TMEM132D: variants seen among roughly 807,000 people sequenced by gnomAD.
TMEM132D encodes the protein transmembrane protein 132D, also known as mature OL transmembrane protein.
Under a neutral mutation model 62.3 loss-of-function variants are expected in TMEM132D, and 21 were observed. That is an observed-to-expected ratio of 0.34 (90% confidence interval 0.24 to 0.49). The LOEUF is 0.49. TMEM132D is among the 20% of genes least tolerant of loss of function. The pLI is 0.99. For missense variants in TMEM132D, 1,346 were observed against 1,402.8 expected, an observed-to-expected ratio of 0.96 and a Z score of 0.65; for synonymous variants, 621 against 575.6, an observed-to-expected ratio of 1.08 and a Z score of -1.13.
rs143951769 is a variant in TMEM132D at position 129,100,405 on chromosome 12, G to A, written c.1444-15703C>T. 1.3e-4 allele frequency among the ~76,000 whole-genome samples: 20 copies of A among 152,330 alleles called. No individual in the cohort carries two copies. The South Asian group carries it at 1.9e-3, about 14-fold the overall frequency. ...GCAAGTTGCAGAAGACTTGGAGAGC[G>A]TCTGAGAGGCTGACGGGTTGGCTCC... On this transcript the variant is annotated intron_variant, in intron 5 of 8. Transcript: ENST00000422113.
intron 1 of TMEM132D, among the ~76,000 whole-genome samples, chr12:129,868,875 G>A (rs761562069): frequency 3.9e-4 from 59 of 152,066 alleles, no homozygotes; most frequent in Non-Finnish European, 5.1e-4. Context: ...CACCAGGCAG[G>A]GAACAGGGCA....
chr12:129,435,594 G>A (rs973847245), intron 3 of TMEM132D, among the ~76,000 whole-genome samples: 4 of 152,030 alleles, frequency 2.6e-5, no homozygotes, highest in Non-Finnish European at 4.4e-5. Context: ...TTTTCTGCTT[G>A]CCACCTCCAG....
intron 4 of TMEM132D, among the ~76,000 whole-genome samples, chr12:129,275,533 G>A (rs7954133): frequency 0.33 from 50,728 of 151,948 alleles, 8,517 homozygotes; most frequent in South Asian, 0.36. Flanking sequence ...ACACGCTCAG[G>A]AAACTTCATA....
intron 1 of TMEM132D, among the ~76,000 whole-genome samples, chr12:129,755,547 C>A (rs1870141657): frequency 6.6e-6 from 1 of 152,114 alleles, no homozygotes; most frequent in Non-Finnish European, 1.5e-5. Context: ...GTTTCAGAGG[C>A]AAACAAAGCA....
At chr12:129,087,108 TTCTA>T (rs917168466) in intron 5 of TMEM132D, among the ~76,000 whole-genome samples, 6 of 152,090 alleles carry the variant, frequency 3.9e-5, no homozygotes, top group Admixed American at 3.9e-4. Flanking sequence ...AACTGAAACT[TTCTA>T]TCTTTGACCA....
At chr12:129,384,762 G>A (rs4759526) in intron 3 of TMEM132D, among the ~76,000 whole-genome samples, 30,657 of 152,112 alleles carry the variant, frequency 0.2, 3,742 homozygotes, top group South Asian at 0.33. Context: ...GCGTTCACAC[G>A]TACGCGACAG....
At chr12:129,611,872 C>T (rs1225430493) in intron 2 of TMEM132D, among the ~76,000 whole-genome samples, 1 of 152,184 alleles carries the variant, frequency 6.6e-6, no homozygotes, top group Admixed American at 6.5e-5. Context: ...TCTTCCAGCC[C>T]CTTCCCACAC....
At chr12:129,530,454 T>C (rs1464093928) in intron 3 of TMEM132D, among the ~76,000 whole-genome samples, 7 of 152,168 alleles carry the variant, frequency 4.6e-5, no homozygotes, top group Non-Finnish European at 8.8e-5. Flanking sequence ...ACTACTGAGT[T>C]TCCGAGCCTC....
In TMEM132D at chr12:129,337,787, C is replaced by T. The variant is rs2135658348; in HGVS notation, c.1146G>A (p.Gln382=). ...CAGGCTCTTCCACCTCCACATCGAT[C>T]TGCATGACCTCGTAGGAGGCGCCAT... ...SADGASYEVM[Q]IDVEVEEPGD... is the part of the protein sequence containing the mutation. Residue 382 remains glutamine (Q), a synonymous_variant, in exon 4 of 9, where the codon CAG becomes CAA. Transcript: ENST00000422113. 1 of 1,612,930 alleles carries T rather than the reference C, an allele frequency of 6.2e-7. No individual in the cohort carries two copies. Among genetic ancestry groups the T allele is most frequent in the Non-Finnish European group, 8.5e-7 (1 of 1,179,262 alleles).
chr12:129,214,278 T>C (rs1252933649), intron 4 of TMEM132D, among the ~76,000 whole-genome samples: 2 of 152,166 alleles, frequency 1.3e-5, no homozygotes, highest in Non-Finnish European at 1.5e-5. Flanking sequence ...TTTATTTTGA[T>C]TTTTGTTTTT....
At chr12:129,565,734 C>T (rs1877350368) in intron 2 of TMEM132D, among the ~76,000 whole-genome samples, 1 of 152,314 alleles carries the variant, frequency 6.6e-6, no homozygotes, top group African/African-American at 2.4e-5. Context: ...CTGGGTCAGC[C>T]CGCTCCTTTC....
intron 2 of TMEM132D, among the ~76,000 whole-genome samples, chr12:129,534,482 G>A (rs969970103): frequency 6.6e-6 from 1 of 151,760 alleles, no homozygotes; most frequent in Non-Finnish European, 1.5e-5. Context: ...ACATAATGTA[G>A]AATATGTATA....
intron 2 of TMEM132D, among the ~76,000 whole-genome samples, chr12:129,638,069 G>A (rs1879534043): frequency 6.6e-6 from 1 of 152,222 alleles, no homozygotes; most frequent in Admixed American, 6.5e-5. Context: ...CAATTTCTGT[G>A]TAAGTGAAAT....
chr12:129,812,791 G>GC lies in TMEM132D; in HGVS notation c.79+90469dup, dbSNP rs1338357412. On this transcript the variant is annotated intron_variant, in intron 1 of 8. Transcript: ENST00000422113. Reference sequence around the variant, plus strand: ...GTTTGTGTGATCCAACCAAGATGTGGCCCCCCTTAACCTCTCCATACTGTC... The same window carrying GC: ...GTTTGTGTGATCCAACCAAGATGTGGCCCCCCCTTAACCTCTCCATACTGTC... Among the ~76,000 whole-genome samples the GC allele has an allele frequency of 2.6e-5, 4 of 151,432 alleles. No individual in the cohort carries two copies. In the East Asian group the frequency reaches 5.9e-4, roughly 22 times the overall value.
chr12:129,460,277 C>A (rs1051377106), intron 3 of TMEM132D, among the ~76,000 whole-genome samples: 16 of 152,178 alleles, frequency 1.1e-4, no homozygotes, highest in African/African-American at 3.9e-4. Flanking sequence ...CTAGACACAT[C>A]TCTGTGGATA....
intron 5 of TMEM132D, among the ~76,000 whole-genome samples, chr12:129,192,560 T>C (rs1878435110): frequency 3.9e-5 from 6 of 152,202 alleles, no homozygotes; most frequent in Admixed American, 3.9e-4. Flanking sequence ...TCATGAAAAA[T>C]ACCCCTTTTG....
At chr12:129,785,023 G>A (rs1235874099) in intron 1 of TMEM132D, among the ~76,000 whole-genome samples, 2 of 152,260 alleles carry the variant, frequency 1.3e-5, no homozygotes, top group East Asian at 1.9e-4. Flanking sequence ...TCAGTGGCAC[G>A]TTTATTTTCG....
chr12:129,145,902 T>C (rs1565977951), intron 5 of TMEM132D, among the ~76,000 whole-genome samples: 1 of 152,050 alleles, frequency 6.6e-6, no homozygotes, highest in African/African-American at 2.4e-5. Flanking sequence ...TTTCCACTTA[T>C]CACTAGAGAC....
intron 5 of TMEM132D, among the ~76,000 whole-genome samples, chr12:129,165,495 A>T (rs1439077531): frequency 6.6e-6 from 1 of 152,216 alleles, no homozygotes; most frequent in Non-Finnish European, 1.5e-5. Flanking sequence ...TTTAGGGATG[A>T]ATAGATAGGT....
Sources: gnomAD v4.1 joint callset for allele counts (sites outside exome capture counted in the v4.1 genomes callset) on GRCh38, gnomAD v4.1.1 for gene constraint, MANE v1.5 for transcripts, NCBI Gene and HGNC (gene_info 2026-07-23, HGNC 2026-07-21) for gene names.